Variants in RHOBTB1 observed in about 807,000 individuals in gnomAD.
The protein encoded by RHOBTB1 is rho-related BTB domain-containing protein 1.
RHOBTB1 carries 40 observed loss-of-function variants against 71.6 expected under a neutral mutation model. That is an observed-to-expected ratio of 0.56 (90% confidence interval 0.43 to 0.73). The LOEUF (loss-of-function observed/expected upper bound fraction) is 0.73, where lower values mean the gene tolerates loss of function less well. Ranked by LOEUF, RHOBTB1 falls within the 30% of genes least tolerant of loss-of-function variation. The pLI is 0.00. For synonymous variants in RHOBTB1, 319 were observed against 334.9 expected (o/e 0.95, Z 0.52); for missense variants, 797 against 894.0 (o/e 0.89, Z 1.38).
At chr10:60,861,755 C>T in the RHOBTB1 span, among the ~76,000 whole-genome samples, 1 of 152,120 alleles carries the variant, frequency 6.6e-6, no homozygotes, top group South Asian at 2.1e-4. Flanking sequence ...CCAATGTATC[C>T]ATCACTCACC....
the RHOBTB1 span, among the ~76,000 whole-genome samples, chr10:60,862,624 C>T: frequency 6.8e-6 from 1 of 146,888 alleles, no homozygotes; most frequent in Non-Finnish European, 1.5e-5. Flanking sequence ...TCCTTCCTTC[C>T]TTCCTTCTCT....
intron 1 of RHOBTB1, among the ~76,000 whole-genome samples, chr10:60,991,493 C>T (rs1254278728): frequency 6.7e-6 from 1 of 149,516 alleles, no homozygotes; most frequent in South Asian, 2.1e-4. Context: ...TGCAGTGGTG[C>T]AATCCTGGCT....
chr10:60,908,343 A>T (rs1273377891), intron 4 of RHOBTB1, among the ~76,000 whole-genome samples: 1 of 152,246 alleles, frequency 6.6e-6, no homozygotes, highest in Non-Finnish European at 1.5e-5. Flanking sequence ...TAATTATTTT[A>T]AAAAGGTTTC....
intron 2 of RHOBTB1, among the ~76,000 whole-genome samples, chr10:60,925,382 A>C (rs1256285957): frequency 1.3e-5 from 2 of 152,222 alleles, no homozygotes; most frequent in African/African-American, 2.4e-5. Flanking sequence ...TTATTGAAAT[A>C]AATGAAAATA....
chr10:60,879,598 G>T (rs1410674032), intron 7 of RHOBTB1, among the ~76,000 whole-genome samples: 1 of 151,906 alleles, frequency 6.6e-6, no homozygotes, highest in Non-Finnish European at 1.5e-5. Flanking sequence ...TCCTGCCTTG[G>T]CTTCCCAAAG....
At chr10:61,001,538 C>G (rs1293533681), upstream of RHOBTB1, 1 of 151,900 alleles carries the variant, frequency 6.6e-6, no homozygotes, top group Non-Finnish European at 1.5e-5. Flanking sequence ...CGGCCGCCTC[C>G]CCCGCCTGCA....
chr10:60,965,258 A>G (rs2085917662), intron 2 of RHOBTB1, among the ~76,000 whole-genome samples: 1 of 152,006 alleles, frequency 6.6e-6, no homozygotes, highest in Non-Finnish European at 1.5e-5. Context: ...TATATATTAT[A>G]TACTAAACTC....
intron 2 of RHOBTB1, among the ~76,000 whole-genome samples, chr10:60,915,919 C>A (rs2083248555): frequency 6.6e-6 from 1 of 152,182 alleles, no homozygotes; most frequent in Non-Finnish European, 1.5e-5. Context: ...CCACATTTTA[C>A]TTGAGCCATC....
At chr10:60,989,429 C>T (rs948121828) in intron 1 of RHOBTB1, among the ~76,000 whole-genome samples, 5 of 152,192 alleles carry the variant, frequency 3.3e-5, no homozygotes, top group Non-Finnish European at 4.4e-5. Flanking sequence ...TGTCCTAGTC[C>T]TAATGCCTAG....
intron 2 of RHOBTB1, among the ~76,000 whole-genome samples, chr10:60,980,233 A>G (rs1208955488): frequency 1.3e-5 from 2 of 152,248 alleles, no homozygotes; most frequent in Non-Finnish European, 2.9e-5. Flanking sequence ...ATAGTTTAAA[A>G]TTAAATGCAA....
intron 2 of RHOBTB1, among the ~76,000 whole-genome samples, chr10:60,971,137 C>T (rs972443677): frequency 1.3e-5 from 2 of 152,104 alleles, no homozygotes; most frequent in African/African-American, 4.8e-5. Context: ...AATTATCCAT[C>T]TGATACATGA....
intron 2 of RHOBTB1, chr10:60,912,954 G>A (rs547253025): frequency 3.3e-5 from 5 of 152,334 alleles, no homozygotes; most frequent in Non-Finnish European, 5.9e-5. Flanking sequence ...ACTGAGAAAA[G>A]TGGGTGGGCG....
chr10:60,891,282 A>C (rs987268933), intron 5 of RHOBTB1, among the ~76,000 whole-genome samples: 3 of 151,396 alleles, frequency 2.0e-5, no homozygotes, highest in Admixed American at 1.3e-4. Context: ...TTTTGTAATA[A>C]GCCTATTAGG....
intron 2 of RHOBTB1, among the ~76,000 whole-genome samples, chr10:60,912,140 C>T (rs548219021): frequency 9.4e-4 from 143 of 152,134 alleles, no homozygotes; most frequent in African/African-American, 3.1e-3. Context: ...TAAATTTAAT[C>T]AAATTAACTT....
chr10:60,988,387 G>A (rs1368414966), intron 1 of RHOBTB1, among the ~76,000 whole-genome samples: 5 of 151,890 alleles, frequency 3.3e-5, no homozygotes, highest in African/African-American at 1.2e-4. Flanking sequence ...GCTGAGGTTT[G>A]GGGTACAAAT....
At chr10:60,946,878 A>G (rs2085256305), upstream of RHOBTB1, among the ~76,000 whole-genome samples, 1 of 152,226 alleles carries the variant, frequency 6.6e-6, no homozygotes, top group African/African-American at 2.4e-5. Context: ...ACCTAGTTGA[A>G]TGCCTAAATC....
intron 2 of RHOBTB1, among the ~76,000 whole-genome samples, chr10:60,922,567 C>G (rs1037558324): frequency 6.6e-6 from 1 of 152,114 alleles, no homozygotes; most frequent in Non-Finnish European, 1.5e-5. Flanking sequence ...AGAATTGGCC[C>G]AGGAAGTAGG....
At chr10:60,884,019 G>C (rs1321740014) in intron 7 of RHOBTB1, among the ~76,000 whole-genome samples, 6 of 152,260 alleles carry the variant, frequency 3.9e-5, no homozygotes, top group Non-Finnish European at 7.4e-5. Context: ...AGAGTCTCCT[G>C]GTTTAGAAAG....
upstream of RHOBTB1, among the ~76,000 whole-genome samples, chr10:60,945,606 C>T (rs948513546): frequency 2.4e-4 from 36 of 152,338 alleles, no homozygotes; most frequent in African/African-American, 8.4e-4. Context: ...GATATTTCTA[C>T]TCTTCCTCAC....
Sources: allele counts gnomAD v4.1 joint callset (sites outside exome capture counted in the v4.1 genomes callset), GRCh38; gene constraint gnomAD v4.1.1; transcripts MANE v1.5; gene names NCBI Gene and HGNC (gene_info 2026-07-23, HGNC 2026-07-21).